Variants in PACRG observed in about 807,000 individuals in gnomAD.
The protein encoded by PACRG is parkin coregulated gene protein.
A neutral mutation model predicts 29.7 loss-of-function variants in PACRG; 29 were observed. That is an observed-to-expected ratio of 0.98 (90% CI 0.73 to 1.33). The LOEUF (loss-of-function observed/expected upper bound fraction) is 1.33. Among genes scored for constraint, PACRG ranks in the 40% most tolerant of loss-of-function variants. PACRG has a pLI of 0.00. For synonymous variants in PACRG, 116 were observed against 118.7 expected, an observed-to-expected ratio of 0.98 and a Z score of 0.15; for missense variants, 279 against 316.2, an observed-to-expected ratio of 0.88 and a Z score of 0.89.
At chr6:163,131,575 TTGTTTTTAGTCACCAGGTTTGTGGTA>T (rs1211228643) in intron 4 of PACRG, among the ~76,000 whole-genome samples, 2 of 152,156 alleles carry the variant, frequency 1.3e-5, no homozygotes, top group East Asian at 1.9e-4. Context: ...TATGAGACAC[TTGTTTTTAGTCACCAGGTTTGTGGTA>T]TGTTTTAAGT....
At position 163,089,402 on chromosome 6, in the gene PACRG, A is replaced by G. The variant is rs1431585708; in HGVS notation, c.607A>G (p.Met203Val). The part of the protein sequence containing the change: ...ILPVLNIFKN[M>V]NVNSGDGIDY... The stretch of plus-strand genomic sequence containing the variant: ...CCCTGTCCTGAACATCTTTAAGAAT[A>G]TGAATGGTGAGTGAGCCCACGAGTC... The change falls in exon 4 of 5, where the codon ATG becomes GTG. Residue 203 changes from methionine (M) to valine (V), a missense_variant. Transcript: ENST00000366888. The G allele has an allele frequency of 6.2e-7, 1 of 1,613,402 alleles. No individual in the cohort carries two copies. Among genetic ancestry groups the G allele is most frequent in the African/African-American group, 1.3e-5 (1 of 74,902 alleles).
intron 1 of PACRG, among the ~76,000 whole-genome samples, chr6:162,755,900 T>TCACAAATAAA (rs1204842301): frequency 3.9e-5 from 6 of 152,218 alleles, no homozygotes; most frequent in Admixed American, 3.3e-4. Context: ...ATTTCTTCTG[T>TCACAAATAAA]GACCCAGTGG....
intron 4 of PACRG, among the ~76,000 whole-genome samples, chr6:163,280,358 A>C (rs1784187599): frequency 6.6e-6 from 1 of 152,018 alleles, no homozygotes; most frequent in South Asian, 2.1e-4. Flanking sequence ...CTGTCTCAAC[A>C]GTTTTGGGTT....
intron 2 of PACRG, among the ~76,000 whole-genome samples, chr6:162,878,811 T>C (rs1233701978): frequency 6.6e-6 from 1 of 151,964 alleles, no homozygotes; most frequent in Admixed American, 6.5e-5. Context: ...AAGATGAATG[T>C]ATATGCATAA....
chr6:163,132,015 C>T (rs1432383700), intron 4 of PACRG, among the ~76,000 whole-genome samples: 2 of 152,170 alleles, frequency 1.3e-5, no homozygotes, highest in African/African-American at 4.8e-5. Context: ...GCTTTGACTG[C>T]ATGTGGTGTT....
At chr6:162,905,137 C>T (rs1269054154) in intron 2 of PACRG, among the ~76,000 whole-genome samples, 1 of 152,140 alleles carries the variant, frequency 6.6e-6, no homozygotes. Context: ...GTGGTGGTGG[C>T]CTCGTTGCCT....
chr6:163,064,553 C>T (rs1466380646), intron 3 of PACRG, among the ~76,000 whole-genome samples: 2 of 152,180 alleles, frequency 1.3e-5, no homozygotes, highest in South Asian at 4.1e-4. Context: ...CCTTCTCAAT[C>T]TGTTTATGTC....
At chr6:163,266,836 C>T (rs997904477) in intron 4 of PACRG, among the ~76,000 whole-genome samples, 4 of 152,154 alleles carry the variant, frequency 2.6e-5, no homozygotes, top group South Asian at 2.1e-4. Context: ...TGCTCTAGAC[C>T]GTGGCCACAA....
chr6:163,302,443 G>C (rs370627985), intron 4 of PACRG, among the ~76,000 whole-genome samples: 6 of 152,324 alleles, frequency 3.9e-5, no homozygotes, highest in African/African-American at 1.4e-4. Flanking sequence ...CTGATAGCCA[G>C]AGCTTGGAAA....
At chr6:163,228,999 G>A (rs925607974) in intron 4 of PACRG, among the ~76,000 whole-genome samples, 2 of 152,222 alleles carry the variant, frequency 1.3e-5, no homozygotes, top group Admixed American at 1.3e-4. Context: ...TCCTTCTGAT[G>A]TTTTGTTTAT....
At chr6:163,002,451 C>G (rs1562821040) in intron 2 of PACRG, among the ~76,000 whole-genome samples, 1 of 152,008 alleles carries the variant, frequency 6.6e-6, no homozygotes, top group East Asian at 1.9e-4. Context: ...TCATTTGAAC[C>G]AAACAACAGA....
chr6:163,051,486 T>C (rs1207432384), intron 2 of PACRG: 1 of 152,166 alleles, frequency 6.6e-6, no homozygotes, highest in African/African-American at 2.4e-5. Flanking sequence ...TTCCCTTAAT[T>C]TCTGGGCTTT....
intron 3 of PACRG, among the ~76,000 whole-genome samples, chr6:163,087,201 A>C (rs1414827158): frequency 6.6e-6 from 1 of 151,950 alleles, no homozygotes; most frequent in African/African-American, 2.4e-5. Context: ...TAGAGGAGAG[A>C]AGGTGAGGAT....
intron 4 of PACRG, among the ~76,000 whole-genome samples, chr6:163,210,247 AT>A (rs1251032989): frequency 6.6e-6 from 1 of 152,240 alleles, no homozygotes; most frequent in East Asian, 1.9e-4. Flanking sequence ...TGTGACCCAA[AT>A]ATATTCCTTC....
intron 2 of PACRG, among the ~76,000 whole-genome samples, chr6:162,826,532 C>G (rs1050947648): frequency 6.7e-6 from 1 of 149,018 alleles, no homozygotes; most frequent in Non-Finnish European, 1.5e-5. Flanking sequence ...GGTGCAATCT[C>G]GGCTCATCGC....
At chr6:163,234,523 G>C (rs949565304) in intron 4 of PACRG, among the ~76,000 whole-genome samples, 1 of 152,152 alleles carries the variant, frequency 6.6e-6, no homozygotes, top group Non-Finnish European at 1.5e-5. Context: ...GCAGAGCCAT[G>C]AGCCAAGATA....
chr6:163,307,171 A>G (rs1785222424), intron 4 of PACRG, among the ~76,000 whole-genome samples: 1 of 152,224 alleles, frequency 6.6e-6, no homozygotes, highest in African/African-American at 2.4e-5. Flanking sequence ...AAATTTAGAT[A>G]TTGAATTGAC....
At chr6:163,190,263 A>G (rs893147225) in intron 4 of PACRG, 3 of 152,208 alleles carry the variant, frequency 2.0e-5, no homozygotes, top group Admixed American at 6.5e-5. Context: ...AGGACTACAC[A>G]TTTGTAAACT....
In PACRG at chr6:162,853,949, T is replaced by A. The variant is rs139121463; in HGVS notation, c.291+39668T>A. ...TTGGGTCCATGCTAGGTATAAATAT[T>A]AACTATTATTATTAATATCATTAGT... On this transcript the variant is annotated intron_variant, in intron 2 of 4. Transcript: ENST00000366888. The surrounding 1 kb of genome is among the most constrained non-coding windows in gnomAD (Gnocchi z 4.7). Among the ~76,000 whole-genome samples, 538 of 152,174 alleles carry A rather than the reference T, an allele frequency of 3.5e-3. 4 individuals carry two copies. Among genetic ancestry groups the A allele is most frequent in the African/African-American group, 0.012 (499 of 41,538 alleles).
Sources: allele counts gnomAD v4.1 joint callset (sites outside exome capture counted in the v4.1 genomes callset), GRCh38; gene constraint gnomAD v4.1.1; non-coding constraint Gnocchi (gnomAD v3.1); transcripts MANE v1.5; gene names NCBI Gene and HGNC (gene_info 2026-07-23, HGNC 2026-07-21).